Variants in ZNF385D observed in about 807,000 individuals in gnomAD.
The protein encoded by ZNF385D is zinc finger protein 659.
In ZNF385D, 15 loss-of-function variants were observed where a neutral mutation model predicts 35.8. The ratio of observed to expected loss-of-function variants is 0.42; its 90% CI spans 0.28 to 0.64. The LOEUF is 0.64. ZNF385D is among the 30% of genes least tolerant of loss of function. The probability of loss-of-function intolerance (pLI) is 0.23; values close to 1 mark genes in which losing one functional copy is unlikely to be tolerated. For missense variants in ZNF385D, 474 were observed against 494.6 expected, an observed-to-expected ratio of 0.96 and a Z score of 0.39; for synonymous variants, 212 against 186.8, an observed-to-expected ratio of 1.13 and a Z score of -1.10.
chr3:22,153,325 T>C (rs970198850), intron 3 of ZNF385D, among the ~76,000 whole-genome samples: 4 of 152,190 alleles, frequency 2.6e-5, no homozygotes, highest in East Asian at 1.9e-4. Context: ...CCAGTGGCCA[T>C]TGTCCACAGA....
intron 1 of ZNF385D, among the ~76,000 whole-genome samples, chr3:21,715,399 C>T (rs2068276621): frequency 6.6e-6 from 1 of 152,026 alleles, no homozygotes; most frequent in South Asian, 2.1e-4. Context: ...ACCTCCAGTT[C>T]CATCCAAGTT....
intron 3 of ZNF385D, among the ~76,000 whole-genome samples, chr3:21,975,543 G>C (rs567756124): frequency 6.6e-6 from 1 of 151,820 alleles, no homozygotes; most frequent in East Asian, 1.9e-4. Flanking sequence ...ATAACTAAAA[G>C]CATATAATTT....
At chr3:21,490,560 A>C (rs1267406891) in intron 4 of ZNF385D, among the ~76,000 whole-genome samples, 1 of 152,154 alleles carries the variant, frequency 6.6e-6, no homozygotes, top group Non-Finnish European at 1.5e-5. Context: ...AAGGAAATAC[A>C]GCTTCAGCCT....
chr3:21,809,606 A>G (rs1292522812), intron 3 of ZNF385D, among the ~76,000 whole-genome samples: 1 of 150,542 alleles, frequency 6.6e-6, no homozygotes, highest in Non-Finnish European at 1.5e-5. Flanking sequence ...ATATACACAT[A>G]TATATACATA....
chr3:21,811,183 C>T (rs759647394), intron 3 of ZNF385D, among the ~76,000 whole-genome samples: 4 of 152,008 alleles, frequency 2.6e-5, no homozygotes, highest in Non-Finnish European at 5.9e-5. Context: ...TTCTGTTTAG[C>T]ATGAATCCTA....
intron 3 of ZNF385D, among the ~76,000 whole-genome samples, chr3:21,918,173 A>G (rs964452665): frequency 6.8e-6 from 1 of 147,708 alleles, no homozygotes; most frequent in African/African-American, 2.4e-5. Flanking sequence ...AAATTTAGCA[A>G]TGGGGAATAT....
At chr3:21,493,972 T>A (rs933115319) in intron 4 of ZNF385D, among the ~76,000 whole-genome samples, 3 of 151,962 alleles carry the variant, frequency 2.0e-5, no homozygotes, top group Non-Finnish European at 4.4e-5. Context: ...AAAAACAGGC[T>A]TTTTTTTCCT....
chr3:21,913,530 A>G (rs1700064049), intron 3 of ZNF385D, among the ~76,000 whole-genome samples: 1 of 152,120 alleles, frequency 6.6e-6, no homozygotes, highest in Non-Finnish European at 1.5e-5. Context: ...ATATTCCAAT[A>G]TAAAAGTGGA....
intron 1 of ZNF385D, among the ~76,000 whole-genome samples, chr3:21,684,361 TTCTCCTCTCTC>T (rs1310869029): frequency 9.1e-6 from 1 of 110,192 alleles, no homozygotes. Context: ...TGGTTAACTG[TTCTCCTCTCTC>T]TCTCTCTCTC....
At chr3:21,726,979 G>C (rs541518904) in intron 1 of ZNF385D, among the ~76,000 whole-genome samples, 1 of 152,176 alleles carries the variant, frequency 6.6e-6, no homozygotes, top group South Asian at 2.1e-4. Flanking sequence ...GAGATATATA[G>C]ACCAATGGAA....
chr3:22,090,494 A>G (rs1701272428), intron 3 of ZNF385D, among the ~76,000 whole-genome samples: 1 of 151,974 alleles, frequency 6.6e-6, no homozygotes. Flanking sequence ...AGTGACCCTG[A>G]GCTCTTACAG....
chr3:22,298,783 A>T (rs563454029), intron 2 of ZNF385D, among the ~76,000 whole-genome samples: 2 of 151,470 alleles, frequency 1.3e-5, no homozygotes, highest in Non-Finnish European at 3.0e-5. Flanking sequence ...GATAAAAAAC[A>T]CTCTTAGAAT....
At chr3:21,657,564 C>G (rs144683643) in intron 2 of ZNF385D, among the ~76,000 whole-genome samples, 35 of 152,004 alleles carry the variant, frequency 2.3e-4, no homozygotes, top group Middle Eastern at 3.4e-3. Context: ...AGTTAATGAA[C>G]AGAACTAGAG....
chr3:21,598,564 G>A (rs2064189861), intron 2 of ZNF385D, among the ~76,000 whole-genome samples: 1 of 152,150 alleles, frequency 6.6e-6, no homozygotes, highest in African/African-American at 2.4e-5. Context: ...AAGAAAGTGA[G>A]CTTTCTGCCC....
intron 2 of ZNF385D, among the ~76,000 whole-genome samples, chr3:22,270,628 C>G (rs541194036): frequency 1.5e-4 from 23 of 151,942 alleles, no homozygotes; most frequent in African/African-American, 4.8e-4. Flanking sequence ...TAAGAAAGCA[C>G]ATAGAGGCTA....
At chr3:21,894,822 T>A (rs1370148016) in intron 3 of ZNF385D, among the ~76,000 whole-genome samples, 3 of 152,024 alleles carry the variant, frequency 2.0e-5, no homozygotes. Context: ...TACAACCCTT[T>A]CAGAAGAAAC....
intron 3 of ZNF385D, among the ~76,000 whole-genome samples, chr3:22,047,091 T>C (rs925932934): frequency 6.6e-6 from 1 of 152,154 alleles, no homozygotes; most frequent in Non-Finnish European, 1.5e-5. Context: ...CTGTCAACGA[T>C]GAAGGCTTCT....
intron 4 of ZNF385D, among the ~76,000 whole-genome samples, chr3:21,505,605 A>G (rs1176359569): frequency 6.6e-6 from 1 of 152,010 alleles, no homozygotes; most frequent in Non-Finnish European, 1.5e-5. Flanking sequence ...ACACTCCCCA[A>G]CTTTTCACAA....
intron 2 of ZNF385D, among the ~76,000 whole-genome samples, chr3:22,234,135 A>C (rs1404592856): frequency 6.6e-6 from 1 of 152,122 alleles, no homozygotes; most frequent in Non-Finnish European, 1.5e-5. Flanking sequence ...AGGTAAGTAA[A>C]TGCATTATTT....
Sources: gnomAD v4.1 joint callset for allele counts (sites outside exome capture counted in the v4.1 genomes callset) on GRCh38, gnomAD v4.1.1 for gene constraint, MANE v1.5 for transcripts, NCBI Gene and HGNC (gene_info 2026-07-23, HGNC 2026-07-21) for gene names.